CALN1: variants seen among roughly 807,000 people sequenced by gnomAD.
CALN1 encodes the protein calneuron 1, also known as calcium-binding protein 8.
A neutral mutation model predicts 30.6 loss-of-function variants in CALN1; 17 were observed. That is an observed-to-expected ratio of 0.56 (90% CI 0.38 to 0.83). The LOEUF is 0.83. CALN1 is among the 40% of genes least tolerant of loss of function. The pLI is 0.00. For missense variants in CALN1, 291 were observed against 354.9 expected, an observed-to-expected ratio of 0.82 and a Z score of 1.45; for synonymous variants, 156 against 131.4, an observed-to-expected ratio of 1.19 and a Z score of -1.28.
intron 6 of CALN1, among the ~76,000 whole-genome samples, chr7:71,808,770 C>G (rs1313931349): frequency 6.6e-6 from 1 of 152,144 alleles, no homozygotes; most frequent in Non-Finnish European, 1.5e-5. Flanking sequence ...CTCAAGAGTG[C>G]TGACTAGCAG....
intron 5 of CALN1, among the ~76,000 whole-genome samples, chr7:72,020,150 C>T (rs113195866): frequency 0.11 from 16,037 of 152,194 alleles, 1,141 homozygotes; most frequent in African/African-American, 0.2. Flanking sequence ...GCCTCAAACT[C>T]CTGGCCTCAA....
At chr7:71,969,925 A>C (rs1797713807) in intron 5 of CALN1, among the ~76,000 whole-genome samples, 1 of 151,924 alleles carries the variant, frequency 6.6e-6, no homozygotes, top group Non-Finnish European at 1.5e-5. Context: ...CCTGGGCTCA[A>C]GTGATCCTCC....
At chr7:72,004,138 T>C (rs965190688) in intron 5 of CALN1, among the ~76,000 whole-genome samples, 1 of 152,214 alleles carries the variant, frequency 6.6e-6, no homozygotes, top group Non-Finnish European at 1.5e-5. Flanking sequence ...AGTCTTACTA[T>C]ATAGTTACAG....
At chr7:71,964,899 A>G (rs1004514337) in intron 5 of CALN1, among the ~76,000 whole-genome samples, 1 of 152,204 alleles carries the variant, frequency 6.6e-6, no homozygotes, top group African/African-American at 2.4e-5. Context: ...TGTAAGGAAT[A>G]GATGGTTTCA....
chr7:71,808,489 C>T, intron 6 of CALN1, among the ~76,000 whole-genome samples: 1 of 151,842 alleles, frequency 6.6e-6, no homozygotes, highest in East Asian at 1.9e-4. Context: ...AATCATATTA[C>T]ATTAATTATA....
Position 71,889,614 on chromosome 7 carries a change from G to A in CALN1, c.502-79122C>T, listed in dbSNP as rs569345132. 3.9e-5 allele frequency among the ~76,000 whole-genome samples: 6 copies of A among 152,222 alleles called. No homozygotes were observed. The East Asian group carries it at 7.7e-4, about 20-fold the overall frequency. ...TCAACCTATGAATAAGGGGGGACAC[G>A]GATATTCCAACCCCACACCATGGAT... On this transcript the variant is annotated intron_variant, in intron 5 of 6. Transcript: ENST00000395275.
intron 4 of CALN1, among the ~76,000 whole-genome samples, chr7:72,061,725 T>C (rs560428367): frequency 9.3e-5 from 10 of 107,204 alleles, no homozygotes; most frequent in Non-Finnish European, 1.1e-4. Context: ...TTTAAAGAAA[T>C]AATAGCCAAA....
At position 71,787,147 on chromosome 7, in the gene CALN1, GTCC is replaced by G. The variant is rs1339478040; in HGVS notation, c.*625_*627del. On this transcript the variant is annotated 3_prime_UTR_variant, in exon 7 of 7. Coordinates refer to ENST00000395275, the MANE Select transcript of CALN1 (RefSeq NM_031468.4). ...GAGCACCCCAGCTCTACCAATGGCA[GTCC>G]TCTAGAAAAGGCAGTAAGAACGGAA... 6.5e-6 allele frequency: 1 copy of G among 152,786 alleles called. No homozygotes were observed. The allele number at this position is 152,786 out of a possible 1,614,324, so 9.5% of individuals were successfully genotyped here. A position where few individuals can be genotyped will look rare whatever the true frequency, so the allele number is the denominator to read the frequency against.
chr7:71,975,982 T>C (rs1280591696), intron 5 of CALN1, among the ~76,000 whole-genome samples: 3 of 150,948 alleles, frequency 2.0e-5, no homozygotes, highest in Non-Finnish European at 4.4e-5. Flanking sequence ...ACCAGCTATA[T>C]TAAGGCTTTT....
At chr7:71,825,822 C>G (rs1032729103) in intron 5 of CALN1, among the ~76,000 whole-genome samples, 9 of 151,926 alleles carry the variant, frequency 5.9e-5, no homozygotes, top group African/African-American at 2.2e-4. Context: ...CACTCGAGGT[C>G]AGGAGTTCAA....
chr7:72,045,492 A>C (rs1482724839), intron 4 of CALN1, among the ~76,000 whole-genome samples: 1 of 152,156 alleles, frequency 6.6e-6, no homozygotes, highest in Admixed American at 6.5e-5. Flanking sequence ...AATGAGTGAG[A>C]GCCACAGGCA....
chr7:72,262,108 G>A (rs138730928), intron 3 of CALN1, among the ~76,000 whole-genome samples: 104 of 152,314 alleles, frequency 6.8e-4, no homozygotes, highest in African/African-American at 2.4e-3. Context: ...CCTCCATAGG[G>A]GAGTGAGTTC....
chr7:71,923,250 C>G (rs953252476), intron 5 of CALN1, among the ~76,000 whole-genome samples: 1 of 152,192 alleles, frequency 6.6e-6, no homozygotes, highest in Non-Finnish European at 1.5e-5. Flanking sequence ...AAAAAGCCTA[C>G]AGCCAACCTC....
chr7:71,995,094 C>T (rs1799186022), intron 5 of CALN1, among the ~76,000 whole-genome samples: 1 of 152,116 alleles, frequency 6.6e-6, no homozygotes, highest in South Asian at 2.1e-4. Context: ...CCTCATGATC[C>T]GCCTGCCTCG....
rs190398774 is a variant in CALN1, at chr7:72,431,672, G to A, written c.-226+15370C>T. On this transcript the variant is annotated intron_variant, in intron 1 of 6. Transcript: ENST00000395276. ...TGGGTAGCACAGTGAGAGAGACCTCGTCTCTACAGAATATTTAAAAATTAC... is the reference window on the plus strand; with the variant it reads ...TGGGTAGCACAGTGAGAGAGACCTCATCTCTACAGAATATTTAAAAATTAC... Among the ~76,000 whole-genome samples the A allele has an allele frequency of 4.1e-4, 63 of 152,164 alleles. 1 individual carries two copies. In the East Asian group the frequency reaches 0.01, roughly 25 times the overall value.
intron 3 of CALN1, among the ~76,000 whole-genome samples, chr7:72,172,395 A>G (rs1230047845): frequency 6.6e-6 from 1 of 152,232 alleles, no homozygotes; most frequent in African/African-American, 2.4e-5. Context: ...TAGAGCCAGA[A>G]GGCTCACTAG....
At chr7:72,425,912 A>G (rs1261911066) in intron 1 of CALN1, among the ~76,000 whole-genome samples, 2 of 152,056 alleles carry the variant, frequency 1.3e-5, no homozygotes, top group African/African-American at 2.4e-5. Flanking sequence ...AATAATTACA[A>G]TCAAACTCCT....
At chr7:72,082,158 G>C (rs1805189156) in intron 4 of CALN1, among the ~76,000 whole-genome samples, 2 of 152,190 alleles carry the variant, frequency 1.3e-5, no homozygotes, top group African/African-American at 2.4e-5. Context: ...GCTAATTTTT[G>C]TATTTTTAGT....
intron 5 of CALN1, among the ~76,000 whole-genome samples, chr7:72,012,236 G>A (rs1029675077): frequency 3.3e-5 from 5 of 152,070 alleles, no homozygotes; most frequent in African/African-American, 7.2e-5. Flanking sequence ...ACTTTTAATC[G>A]GCCGGGCACG....
Sources: allele counts gnomAD v4.1 joint callset (sites outside exome capture counted in the v4.1 genomes callset), GRCh38; gene constraint gnomAD v4.1.1; transcripts MANE v1.5; gene names NCBI Gene and HGNC (gene_info 2026-07-23, HGNC 2026-07-21).